The following DPP10 variants were observed in gnomAD, a reference collection of about 807,000 sequenced individuals.
DPP10 encodes dipeptidyl peptidase like 10.
DPP10 carries 33 observed loss-of-function variants against 120.9 expected under a neutral mutation model. That is an observed-to-expected ratio of 0.27 (90% CI 0.21 to 0.37). The LOEUF (loss-of-function observed/expected upper bound fraction) is 0.37. DPP10 is among the 10% of genes least tolerant of loss of function. The probability of loss-of-function intolerance (pLI) is 1.00; values close to 1 mark genes in which losing one functional copy is unlikely to be tolerated. For synonymous variants in DPP10, 337 were observed against 326.1 expected (o/e 1.03, Z -0.36); for missense variants, 816 against 942.8 (o/e 0.87, Z 1.76).
chr2:114,704,119 A>G (rs1558654280), intron 1 of DPP10, among the ~76,000 whole-genome samples: 3 of 152,166 alleles, frequency 2.0e-5, no homozygotes, highest in Non-Finnish European at 4.4e-5. Context: ...GAATAAGGCA[A>G]TGCTCAGAAT....
intron 1 of DPP10, among the ~76,000 whole-genome samples, chr2:114,502,459 A>G (rs1683282282): frequency 6.6e-6 from 1 of 152,226 alleles, no homozygotes; most frequent in South Asian, 2.1e-4. Context: ...TATTTCTTGT[A>G]TTTAAAATTT....
At position 114,556,230 on chromosome 2, in the gene DPP10, G is replaced by GATATATAT. The variant is rs1237590391; in HGVS notation, c.60+113395_60+113396insTATATATA. Among the ~76,000 whole-genome samples, 15 of 27,888 alleles carry GATATATAT rather than the reference G, an allele frequency of 5.4e-4. 1 individual carries two copies. The highest frequency in any genetic ancestry group is 2.0e-3 in the African/African-American group (15 of 7,334). The allele number at this position is 27,888 out of a possible 152,430, so 18.3% of individuals were successfully genotyped here. A position where few individuals can be genotyped will look rare whatever the true frequency, so the allele number is the denominator to read the frequency against. Reference sequence around the variant, plus strand: ...GCAGGAGAAACAGTGATACATAGATGATACATATATATATATATATATATA... The same window carrying GATATATAT: ...GCAGGAGAAACAGTGATACATAGATGATATATATATACATATATATATATATATATATA... On this transcript the variant is annotated intron_variant, in intron 1 of 25. Transcript: ENST00000410059.
intron 4 of DPP10, among the ~76,000 whole-genome samples, chr2:115,520,492 G>T (rs1350202996): frequency 7.4e-6 from 1 of 134,626 alleles, no homozygotes; most frequent in East Asian, 2.3e-4. Flanking sequence ...GAATTATTCA[G>T]CCAAAGCTCC....
intron 1 of DPP10, among the ~76,000 whole-genome samples, chr2:115,147,229 T>C (rs2051276013): frequency 6.6e-6 from 1 of 151,652 alleles, no homozygotes; most frequent in South Asian, 2.1e-4. Flanking sequence ...TACCATAATA[T>C]ACTACATATA....
chr2:114,993,566 G>T (rs1258881864), intron 1 of DPP10, among the ~76,000 whole-genome samples: 1 of 87,556 alleles, frequency 1.1e-5, no homozygotes, highest in Non-Finnish European at 2.2e-5. Flanking sequence ...TTCTTATTAT[G>T]TGTGTGTGTG....
Position 115,844,678 on chromosome 2 carries a change from A to C in DPP10, c.*2333A>C, listed in dbSNP as rs1285805992. On this transcript the variant is annotated 3_prime_UTR_variant, in exon 26 of 26. Coordinates refer to ENST00000410059, the MANE Select transcript of DPP10 (RefSeq NM_020868.6). ...GTCATAATCCCACTATTTCATACAT[A>C]TTTATGCATTGCTAGATTTTCCTAG... 6.6e-6 allele frequency: 1 copy of C among 152,118 alleles called. No homozygotes were observed. The allele number at this position is 152,118 out of a possible 1,614,324, so 9.4% of individuals were successfully genotyped here. A position where few individuals can be genotyped will look rare whatever the true frequency, so the allele number is the denominator to read the frequency against.
intron 1 of DPP10, among the ~76,000 whole-genome samples, chr2:114,750,486 A>G (rs1192121121): frequency 1.3e-5 from 2 of 152,046 alleles, no homozygotes; most frequent in Admixed American, 6.5e-5. Flanking sequence ...GGCGCCTGCC[A>G]CCACGCCCAG....
chr2:115,443,407 A>G (rs1007249295), intron 3 of DPP10, among the ~76,000 whole-genome samples: 3 of 152,208 alleles, frequency 2.0e-5, no homozygotes, highest in East Asian at 3.9e-4. Context: ...CAGAATTCCA[A>G]ACATTTAGAT....
chr2:114,719,945 C>T (rs1020252048), intron 1 of DPP10, among the ~76,000 whole-genome samples: 1 of 152,186 alleles, frequency 6.6e-6, no homozygotes, highest in Admixed American at 6.5e-5. Context: ...CTGTTTGTGA[C>T]AAAAGTCTGT....
At chr2:115,579,065 CTT>C (rs1422780853) in intron 5 of DPP10, 2 of 152,150 alleles carry the variant, frequency 1.3e-5, no homozygotes, top group Non-Finnish European at 2.9e-5. Flanking sequence ...TAAATGTTAA[CTT>C]ATTTCAAGTC....
At chr2:114,771,513 T>C (rs983436440) in intron 1 of DPP10, among the ~76,000 whole-genome samples, 7 of 152,206 alleles carry the variant, frequency 4.6e-5, no homozygotes, top group African/African-American at 1.7e-4. Flanking sequence ...AAAGTTAGCA[T>C]GTGGTTGCGT....
intron 1 of DPP10, among the ~76,000 whole-genome samples, chr2:115,260,705 G>C (rs1173463999): frequency 1.3e-5 from 2 of 152,118 alleles, no homozygotes; most frequent in Non-Finnish European, 2.9e-5. Context: ...TGATTTTTAA[G>C]CTCATTTTAG....
intron 3 of DPP10, among the ~76,000 whole-genome samples, chr2:115,475,291 A>C (rs2075003532): frequency 6.6e-6 from 1 of 152,156 alleles, no homozygotes; most frequent in Non-Finnish European, 1.5e-5. Context: ...ATGGCTCAAC[A>C]AGGCCCAGGT....
intron 1 of DPP10, among the ~76,000 whole-genome samples, chr2:114,900,160 A>G (rs559263514): frequency 6.6e-6 from 1 of 152,330 alleles, no homozygotes; most frequent in South Asian, 2.1e-4. Context: ...GTCAATAACA[A>G]CGTACACTTA....
rs749269015 is a variant in DPP10 at position 115,087,815 on chromosome 2, A to C, written c.61-221424A>C. ...GTCATCTGCCCACCTCGGCCTCCCA[A>C]AGTGCTGGGATTACAGGCATGAGTC... is the stretch of plus-strand genomic sequence containing the variant. On this transcript the variant is annotated intron_variant, in intron 1 of 25. Coordinates refer to ENST00000410059, the MANE Select transcript of DPP10 (RefSeq NM_020868.6). Among the ~76,000 whole-genome samples the C allele has an allele frequency of 7.9e-5, 12 of 151,874 alleles. No individual in the cohort carries two copies. In the South Asian group the frequency reaches 1.2e-3, roughly 16 times the overall value.
intron 1 of DPP10, chr2:115,162,292 CG>C: frequency 6.6e-7 from 1 of 1,519,730 alleles, no homozygotes; most frequent in East Asian, 2.5e-5. Context: ...GAAGGTGCCC[CG>C]GGGAACCCCG....
chr2:115,840,311 GTTTTTTGGTTTTTTT>G (rs1359593493), intron 24 of DPP10, among the ~76,000 whole-genome samples: 1 of 33,242 alleles, frequency 3.0e-5, no homozygotes, highest in Non-Finnish European at 6.8e-5. Context: ...CAGATATAAG[GTTTTTTGGTTTTTTT>G]TTTTTTTTTT....
intron 5 of DPP10, among the ~76,000 whole-genome samples, chr2:115,560,164 A>T (rs1181668194): frequency 6.6e-6 from 1 of 150,544 alleles, no homozygotes; most frequent in African/African-American, 2.4e-5. Flanking sequence ...AGGTCAAAAG[A>T]TCGAGACCAT....
intron 1 of DPP10, among the ~76,000 whole-genome samples, chr2:114,795,163 C>A (rs184894127): frequency 1.3e-5 from 2 of 152,002 alleles, no homozygotes; most frequent in South Asian, 2.1e-4. Context: ...GATAAGGAGA[C>A]CTTTTTCCAG....
Sources: gnomAD v4.1 joint callset for allele counts (sites outside exome capture counted in the v4.1 genomes callset) on GRCh38, gnomAD v4.1.1 for gene constraint, MANE v1.5 for transcripts, NCBI Gene and HGNC (gene_info 2026-07-23, HGNC 2026-07-21) for gene names.